Variants in TMEM106C observed in about 807,000 individuals in gnomAD.
TMEM106C encodes endoplasmic reticulum membrane protein overexpressed in cancer.
TMEM106C carries 27 observed loss-of-function variants against 30.8 expected under a neutral mutation model. That is an observed-to-expected ratio of 0.88 (90% CI 0.65 to 1.21). The LOEUF is 1.21. TMEM106C is among the 50% of genes most tolerant of loss of function. The pLI is 0.00. For missense variants in TMEM106C, 288 were observed against 307.8 expected, an observed-to-expected ratio of 0.94 and a Z score of 0.48; for synonymous variants, 123 against 118.8, an observed-to-expected ratio of 1.04 and a Z score of -0.23.
chr12:47,966,511 G>A, intron 5 of TMEM106C, 172 bp from the exon 6 acceptor site: 1 of 743,344 alleles, frequency 1.3e-6, no homozygotes, highest in Non-Finnish European at 2.2e-6. Context: ...CTCTCAAAAG[G>A]GAAGAGGTTG....
chr12:47,967,269 T>C lies in TMEM106C; in HGVS notation c.656+8T>C, dbSNP rs1490680944. Reference sequence around the variant, plus strand: ...CATAGTGATCTTCATGCGGTGCGTCTCTCTTCCCTATCCCGATGGCCTGTC... The same window carrying C: ...CATAGTGATCTTCATGCGGTGCGTCCCTCTTCCCTATCCCGATGGCCTGTC... On this transcript the variant is annotated splice_region_variant and intron_variant, in intron 7 of 7. Coordinates refer to ENST00000429772, the MANE Select transcript of TMEM106C (RefSeq NM_001143842.2). The C allele has an allele frequency of 6.2e-7, 1 of 1,614,014 alleles. No homozygotes were observed. The highest frequency in any genetic ancestry group is 1.3e-5 in the African/African-American group (1 of 74,916).
In TMEM106C at chr12:47,964,248, G is replaced by A. The variant is rs373104998; in HGVS notation, c.12G>A (p.Gln4=). The part of the protein sequence containing the change: MGS[Q]HSAAARPSSC... Reference sequence around the variant, plus strand: ...GGCATATCACGGCCATGGGGTCTCAGCATTCCGCTGCTGCTCGCCCCTCCT... The same window carrying A: ...GGCATATCACGGCCATGGGGTCTCAACATTCCGCTGCTGCTCGCCCCTCCT... The change falls in exon 2 of 8, where the codon CAG becomes CAA. Residue 4 remains glutamine, a synonymous_variant. Coordinates refer to ENST00000429772, the MANE Select transcript of TMEM106C (RefSeq NM_001143842.2). 2.9e-5 allele frequency: 46 copies of A among 1,612,860 alleles called. No homozygotes were observed. Among genetic ancestry groups the A allele is most frequent in the Non-Finnish European group, 3.7e-5 (44 of 1,179,462 alleles).
At chr12:47,965,621 G>C in intron 3 of TMEM106C, 5 of 704,510 alleles carry the variant, frequency 7.1e-6, no homozygotes, top group Non-Finnish European at 1.2e-5. Flanking sequence ...TGTCCACATA[G>C]CTCCTTTCTT....
chr12:47,964,215 A>G lies in TMEM106C; in HGVS notation c.-22A>G, dbSNP rs1938143171. The G allele has an allele frequency of 5.0e-6, 8 of 1,608,704 alleles. No individual in the cohort carries two copies. The highest frequency in any genetic ancestry group is 6.8e-6 in the Non-Finnish European group (8 of 1,177,324). Reference sequence around the variant, plus strand: ...CTCCCTCTTTTCATCTTAGGACATGACACCAGTGGCATATCACGGCCATGG... The same window carrying G: ...CTCCCTCTTTTCATCTTAGGACATGGCACCAGTGGCATATCACGGCCATGG... On this transcript the variant is annotated 5_prime_UTR_variant, in exon 2 of 8. Transcript: ENST00000429772.
chr12:47,965,807 C>T (rs1565658088), intron 3 of TMEM106C, 31 bp from the exon 4 acceptor site: 20 of 1,611,542 alleles, frequency 1.2e-5, no homozygotes, highest in African/African-American at 1.3e-5. Flanking sequence ...ATCTGACTGC[C>T]TGGGTCGGTC....
chr12:47,966,578 T>G, intron 5 of TMEM106C, 105 bp from the exon 6 acceptor site: 1 of 1,252,000 alleles, frequency 8.0e-7, no homozygotes, highest in Non-Finnish European at 1.2e-6. Context: ...GGAAGTATTT[T>G]GCATGTGATG....
At position 47,965,663 on chromosome 12, in the gene TMEM106C, T is replaced by C. The variant is rs374431909; in HGVS notation, c.252-175T>C. 6.1e-4 allele frequency: 508 copies of C among 829,724 alleles called. 4 individuals are homozygous for C. The South Asian group carries it at 8.2e-3, about 13-fold the overall frequency. The allele number at this position is 829,724 out of a possible 1,614,324, so 51.4% of individuals were successfully genotyped here. A position where few individuals can be genotyped will look rare whatever the true frequency, so the allele number is the denominator to read the frequency against. ...TTCTTCCCAGAGTGCAAACAGTGTT[T>C]AAAGGAGTTTTAAAAGGTTTCTCCT... On this transcript the variant is annotated intron_variant, in intron 3 of 7. Transcript: ENST00000429772.
At position 47,968,151 on chromosome 12, in the gene TMEM106C, A is replaced by C. The variant is rs149936461; in HGVS notation, c.675A>C (p.Ser225=). Residue 225 remains serine, a synonymous_variant, in exon 8 of 8, where the codon TCA becomes TCC. Transcript: ENST00000429772. ...VIFMRTSVKI[S]YIGLMTQSSL... is the part of the protein sequence containing the mutation. ...TCCCTAGAACTTCAGTGAAGATTTC[A>C]TACATTGGCCTCATGACCCAGAGCT... The C allele has an allele frequency of 7.4e-5, 120 of 1,613,542 alleles. No individual in the cohort carries two copies. The African/African-American group carries it at 1.4e-3, about 19-fold the overall frequency.
chr12:47,967,995 G>A (rs773908067), intron 7 of TMEM106C, 138 bp from the exon 8 acceptor site: 12 of 622,814 alleles, frequency 1.9e-5, no homozygotes, highest in Non-Finnish European at 3.1e-5. Context: ...CTGGCCTCCT[G>A]GTTACATAAC....
chr12:47,966,551 A>G (rs1047797327), intron 5 of TMEM106C, 132 bp from the exon 6 acceptor site: 5 of 1,033,866 alleles, frequency 4.8e-6, no homozygotes, highest in Admixed American at 1.9e-5. Flanking sequence ...CATAGACTAT[A>G]TTAGGGACAA....
At chr12:47,963,939 C>T (rs1480600093) in intron 1 of TMEM106C, 2 of 465,820 alleles carry the variant, frequency 4.3e-6, no homozygotes, top group Admixed American at 3.6e-5. Flanking sequence ...CGGGGGTGCC[C>T]CAAGTCCCAG....
In TMEM106C at chr12:47,968,326, C is replaced by T; in HGVS notation, c.*97C>T. On this transcript the variant is annotated 3_prime_UTR_variant, in exon 8 of 8. Transcript: ENST00000429772. The stretch of plus-strand genomic sequence containing the variant: ...TGGACCTACCCCCACGTGGTGTAAG[C>T]AGAGGAGGAATTGGTTCACTTAACT... 1 of 951,152 alleles carries T rather than the reference C, an allele frequency of 1.1e-6. No homozygotes were observed. Among genetic ancestry groups the T allele is most frequent in the Non-Finnish European group, 1.7e-6 (1 of 593,840 alleles). 58.9% of individuals were successfully genotyped at this position (951,152 alleles called of 1,614,324 possible). A position where few individuals can be genotyped will look rare whatever the true frequency, so the allele number is the denominator to read the frequency against.
At position 47,968,343 on chromosome 12, in the gene TMEM106C, C is replaced by A; in HGVS notation, c.*114C>A. The A allele has an allele frequency of 3.7e-6, 3 of 805,110 alleles. No homozygotes were observed. Among genetic ancestry groups the A allele is most frequent in the Non-Finnish European group, 4.3e-6 (2 of 469,918 alleles). The allele number at this position is 805,110 out of a possible 1,614,324, so 49.9% of individuals were successfully genotyped here. A position where few individuals can be genotyped will look rare whatever the true frequency, so the allele number is the denominator to read the frequency against. On this transcript the variant is annotated 3_prime_UTR_variant, in exon 8 of 8. Transcript: ENST00000429772. ...GGTGTAAGCAGAGGAGGAATTGGTT[C>A]ACTTAACTCCCAGCAAACATCCTCC...
At position 47,966,474 on chromosome 12, in the gene TMEM106C, C is replaced by T. The variant is rs1054646812; in HGVS notation, c.553-209C>T. 1.0e-5 allele frequency: 7 copies of T among 684,932 alleles called. No individual in the cohort carries two copies. In the African/African-American group the frequency reaches 1.1e-4, roughly 11 times the overall value. 42.4% of individuals were successfully genotyped at this position (684,932 alleles called of 1,614,324 possible). On this transcript the variant is annotated intron_variant, in intron 5 of 7. Transcript: ENST00000429772. ...AGATTTGCTACAAAATAAGAAGCAG[C>T]AGTGTTACAGCCTGAGGTCCATTGG... is the stretch of plus-strand genomic sequence containing the variant.
chr12:47,964,369 G>A lies in TMEM106C; in HGVS notation c.133G>A (p.Gly45Arg), dbSNP rs748378623. ...TCAGTTCCCATATGTGGAATTCACC[G>A]GGAGAGATAGCATCACCTGTCTCAC... Reference protein sequence around the residue: ...IAQFPYVEFTGRDSITCLTCQ... With the variant: ...IAQFPYVEFTRRDSITCLTCQ... The change falls in exon 2 of 8, where the codon GGG becomes AGG. Residue 45 changes from glycine to arginine, a missense_variant. Physicochemically the swap from Gly to Arg is moderately radical, Grantham distance 125 (BLOSUM62 -2). Coordinates refer to ENST00000429772, the MANE Select transcript of TMEM106C (RefSeq NM_001143842.2). The A allele has an allele frequency of 1.2e-6, 2 of 1,614,172 alleles. No homozygotes were observed. The highest frequency in any genetic ancestry group is 1.3e-5 in the African/African-American group (1 of 75,044).
intron 3 of TMEM106C, 196 bp downstream of exon 3, chr12:47,965,541 T>C: frequency 1.5e-6 from 1 of 655,210 alleles, no homozygotes; most frequent in Non-Finnish European, 2.6e-6. Context: ...TGGAAATGCT[T>C]TGAAGGTCAA....
chr12:47,965,145 C>G (rs758343100), intron 2 of TMEM106C, 137 bp from the exon 3 acceptor site: 3 of 665,214 alleles, frequency 4.5e-6, no homozygotes, highest in Non-Finnish European at 7.9e-6. Context: ...TCATTAGACC[C>G]AACATGTGAA....
chr12:47,968,045 T>C (rs996422468), intron 7 of TMEM106C, 88 bp from the exon 8 acceptor site: 6 of 1,042,596 alleles, frequency 5.8e-6, no homozygotes, highest in Non-Finnish European at 8.9e-6. Flanking sequence ...TATTGTTCTC[T>C]GAACTTGCAA....
chr12:47,965,506 C>A, intron 3 of TMEM106C, 161 bp downstream of exon 3: 1 of 695,698 alleles, frequency 1.4e-6, no homozygotes, highest in South Asian at 1.9e-5. Context: ...GCCCCCATCA[C>A]AATCTGGGGA....
Sources: gnomAD v4.1 joint callset for allele counts on GRCh38, gnomAD v4.1.1 for gene constraint, MANE v1.5 for transcripts, NCBI Gene and HGNC (gene_info 2026-07-23, HGNC 2026-07-21) for gene names.